EML6: variants seen among roughly 807,000 people sequenced by gnomAD.
The protein encoded by EML6 is echinoderm microtubule-associated protein-like 6.
In EML6, 154 loss-of-function variants were observed where a neutral mutation model predicts 240.1. The observed-to-expected ratio is 0.64, with a 90% CI of 0.56 to 0.73. The LOEUF (loss-of-function observed/expected upper bound fraction) is 0.73, where lower values mean the gene tolerates loss of function less well. EML6 is among the 30% of genes least tolerant of loss of function. The pLI is 0.00. For missense variants in EML6, 2,964 were observed against 2,474.6 expected (o/e 1.20, Z -4.20); for synonymous variants, 1,148 against 899.0 (o/e 1.28, Z -4.95).
chr2:54,959,756 C>G (rs1296306836), intron 34 of EML6, among the ~76,000 whole-genome samples: 2 of 152,026 alleles, frequency 1.3e-5, no homozygotes, highest in African/African-American at 4.8e-5. Flanking sequence ...GAGTGAAACT[C>G]CATCTCAAAA....
intron 25 of EML6, among the ~76,000 whole-genome samples, chr2:54,912,960 T>C (rs1254689580): frequency 6.6e-6 from 1 of 152,182 alleles, no homozygotes; most frequent in Non-Finnish European, 1.5e-5. Context: ...GTAATTCTTT[T>C]TTAAGTTCTT....
intron 2 of EML6, among the ~76,000 whole-genome samples, chr2:54,804,143 A>C (rs1204818528): frequency 1.3e-5 from 2 of 152,248 alleles, no homozygotes; most frequent in Non-Finnish European, 2.9e-5. Flanking sequence ...GTACAGATAG[A>C]GGTAGTAACA....
intron 2 of EML6, among the ~76,000 whole-genome samples, chr2:54,793,012 A>C (rs1010521168): frequency 6.6e-6 from 1 of 152,180 alleles, no homozygotes; most frequent in Admixed American, 6.5e-5. Context: ...TCTCAACTAT[A>C]ATCTCAGCAC....
intron 28 of EML6, among the ~76,000 whole-genome samples, chr2:54,939,851 C>T (rs1270904169): frequency 6.6e-6 from 1 of 152,230 alleles, no homozygotes; most frequent in Non-Finnish European, 1.5e-5. Flanking sequence ...AACCATTTCA[C>T]TTCACAAACT....
chr2:54,820,280 C>T (rs547564999), intron 4 of EML6, 114 bp from the exon 5 acceptor site: 4 of 655,852 alleles, frequency 6.1e-6, no homozygotes, highest in African/African-American at 3.7e-5. Flanking sequence ...TTATTCTGTG[C>T]AGGTAACATT....
intron 2 of EML6, among the ~76,000 whole-genome samples, chr2:54,739,863 A>C (rs1387284826): frequency 3.3e-5 from 5 of 152,210 alleles, no homozygotes; most frequent in Non-Finnish European, 5.9e-5. Flanking sequence ...TCCAGGTGTG[A>C]AGTAATTGTG....
In EML6 at chr2:54,863,901, G is replaced by A; in HGVS notation, c.1932+12G>A. 2.7e-6 allele frequency: 4 copies of A among 1,465,460 alleles called. No individual in the cohort carries two copies. The highest frequency in any genetic ancestry group is 3.7e-6 in the Non-Finnish European group (4 of 1,075,414). The allele number at this position is 1,465,460 out of a possible 1,614,324, so 90.8% of individuals were successfully genotyped here. A position where few individuals can be genotyped will look rare whatever the true frequency, so the allele number is the denominator to read the frequency against. On this transcript the variant is annotated intron_variant, in intron 13 of 41. Transcript: ENST00000356458. ...ATTATGATCGCCAGGTCGGTAAGCA[G>A]GGAGCAATGAAAATTTGTAACCCCA...
At chr2:54,827,888 T>G (rs1277513768) in intron 6 of EML6, 137 bp downstream of exon 6, 2 of 626,196 alleles carry the variant, frequency 3.2e-6, no homozygotes, top group African/African-American at 3.7e-5. Flanking sequence ...TAATTTCCCA[T>G]ATTACATTTG....
intron 41 of EML6, among the ~76,000 whole-genome samples, chr2:54,969,820 G>A (rs2580764): frequency 0.31 from 46,990 of 151,892 alleles, 8,781 homozygotes; most frequent in East Asian, 0.6. Flanking sequence ...AAGTCCTCAC[G>A]GACCAACATT....
At chr2:54,815,440 C>G (rs1668041184) in intron 3 of EML6, among the ~76,000 whole-genome samples, 2 of 152,184 alleles carry the variant, frequency 1.3e-5, no homozygotes, top group African/African-American at 4.8e-5. Flanking sequence ...AAATGCTTTT[C>G]AGGTAGCTAT....
chr2:54,749,044 C>T (rs1286376928), intron 2 of EML6, among the ~76,000 whole-genome samples: 1 of 152,188 alleles, frequency 6.6e-6, no homozygotes, highest in Non-Finnish European at 1.5e-5. Flanking sequence ...TGGCCAGGGT[C>T]AAGGAATGTG....
At chr2:54,944,556 C>G (rs1675585251) in intron 28 of EML6, among the ~76,000 whole-genome samples, 1 of 152,180 alleles carries the variant, frequency 6.6e-6, no homozygotes, top group South Asian at 2.1e-4. Flanking sequence ...CTTTACGCCA[C>G]CCTTTGTACT....
At chr2:54,886,903 G>T (rs942383413) in intron 17 of EML6, among the ~76,000 whole-genome samples, 1 of 152,142 alleles carries the variant, frequency 6.6e-6, no homozygotes, top group Non-Finnish European at 1.5e-5. Flanking sequence ...AGATAAAATC[G>T]GTGGTATACC....
chr2:54,804,817 T>C (rs1670380307), intron 2 of EML6, among the ~76,000 whole-genome samples: 1 of 152,188 alleles, frequency 6.6e-6, no homozygotes, highest in African/African-American at 2.4e-5. Context: ...CTCAAAACAG[T>C]ATGGTTAATG....
At chr2:54,892,238 A>C (rs1185020631) in intron 18 of EML6, among the ~76,000 whole-genome samples, 1 of 152,180 alleles carries the variant, frequency 6.6e-6, no homozygotes, top group Non-Finnish European at 1.5e-5. Context: ...TGAGCGCTGC[A>C]CTTACCACAT....
Position 54,899,775 on chromosome 2 carries a change from C to CA in EML6, c.3123dup (p.Gly1042ArgfsTer10). The CA allele has an allele frequency of 6.5e-7, 1 of 1,545,174 alleles. No individual in the cohort carries two copies. The highest frequency in any genetic ancestry group is 8.7e-7 in the Non-Finnish European group (1 of 1,144,880). On this transcript the variant is annotated frameshift_variant, in exon 22 of 42. Transcript: ENST00000356458. LOFTEE classifies it high-confidence loss of function. ...ACCGTATGCTGGCAGTACGGAAACTCAAAAAAGGTACATAACACCACCTTA... is the reference window on the plus strand; with the variant it reads ...ACCGTATGCTGGCAGTACGGAAACTCAAAAAAAGGTACATAACACCACCTTA...
chr2:54,877,292 T>C lies in EML6; in HGVS notation c.2345-2255T>C, dbSNP rs953610949. Among the ~76,000 whole-genome samples the C allele has an allele frequency of 1.1e-4, 17 of 152,282 alleles. No individual in the cohort carries two copies. In the South Asian group the frequency reaches 3.1e-3, roughly 28 times the overall value. ...GGCCACTGCACCTGGCCAAAATCTTTATAGCTATATAACGTAGTACATTCT... is the reference window on the plus strand; with the variant it reads ...GGCCACTGCACCTGGCCAAAATCTTCATAGCTATATAACGTAGTACATTCT... On this transcript the variant is annotated intron_variant, in intron 16 of 41. Transcript: ENST00000356458.
At chr2:54,956,018 C>T (rs894689405) in intron 32 of EML6, among the ~76,000 whole-genome samples, 3 of 150,190 alleles carry the variant, frequency 2.0e-5, no homozygotes, top group African/African-American at 7.3e-5. Flanking sequence ...TTTTGGGGAA[C>T]GTGTGTGTGT....
chr2:54,823,145 A>G (rs1668407801), intron 5 of EML6, among the ~76,000 whole-genome samples: 1 of 152,370 alleles, frequency 6.6e-6, no homozygotes, highest in South Asian at 2.1e-4. Flanking sequence ...AAGTTTAGCC[A>G]TTAAAACATT....
Sources: allele counts gnomAD v4.1 joint callset (sites outside exome capture counted in the v4.1 genomes callset), GRCh38; gene constraint gnomAD v4.1.1; transcripts MANE v1.5; gene names NCBI Gene and HGNC (gene_info 2026-07-23, HGNC 2026-07-21).